Variants in NLK observed in about 807,000 individuals in gnomAD.
The protein encoded by NLK is nemo like kinase.
NLK carries 11 observed loss-of-function variants against 59.0 expected under a neutral mutation model. The ratio of observed to expected loss-of-function variants is 0.19; its 90% CI spans 0.12 to 0.31. The LOEUF (loss-of-function observed/expected upper bound fraction) is 0.31, where lower values mean the gene tolerates loss of function less well. NLK is among the 10% of genes least tolerant of loss of function. The pLI is 1.00. For missense variants in NLK, 410 were observed against 661.1 expected (o/e 0.62, Z 4.16); for synonymous variants, 235 against 235.9 (o/e 1.00, Z 0.03).
chr17:28,155,544 T>C lies in NLK; in HGVS notation c.645-5616T>C, dbSNP rs367941427. On this transcript the variant is annotated intron_variant, in intron 3 of 10. Coordinates refer to ENST00000407008, the MANE Select transcript of NLK (RefSeq NM_016231.5). ...TTGGAACCAACCCAATGTCCATCAG[T>C]GATAGACTGGATTAAGAAAATGTGG... Among the ~76,000 whole-genome samples the C allele has an allele frequency of 2.2e-4, 33 of 152,186 alleles. No homozygotes were observed. In the East Asian group the frequency reaches 5.8e-3, roughly 27 times the overall value.
At chr17:28,057,116 G>A (rs942794479) in intron 1 of NLK, among the ~76,000 whole-genome samples, 1 of 151,666 alleles carries the variant, frequency 6.6e-6, no homozygotes, top group Admixed American at 6.6e-5. Flanking sequence ...CACCACGCCC[G>A]GCTAATTTTT....
chr17:28,153,255 CAA>C (rs962707946), intron 3 of NLK, among the ~76,000 whole-genome samples: 1 of 146,966 alleles, frequency 6.8e-6, no homozygotes, highest in African/African-American at 2.5e-5. Flanking sequence ...GGCTGTGCAA[CAA>C]GAGCGAAATT....
chr17:28,173,360 T>G (rs551980859), intron 7 of NLK, among the ~76,000 whole-genome samples: 91 of 152,222 alleles, frequency 6.0e-4, no homozygotes, highest in African/African-American at 2.2e-3. Flanking sequence ...AATTGGACGT[T>G]TAGATTATCT....
intron 1 of NLK, among the ~76,000 whole-genome samples, chr17:28,077,838 C>A (rs539126868): frequency 2.8e-4 from 42 of 152,110 alleles, no homozygotes; most frequent in African/African-American, 9.6e-4. Flanking sequence ...TAGTATTAAC[C>A]TTATTTTAAA....
At chr17:28,203,160 T>TACACACACAC in the NLK span, among the ~76,000 whole-genome samples, 162 of 127,138 alleles carry the variant, frequency 1.3e-3, no homozygotes, top group African/African-American at 5.4e-3. Context: ...TGTATATACA[T>TACACACACAC]ACATACACAC....
chr17:28,120,239 T>G (rs1015848081), intron 1 of NLK, among the ~76,000 whole-genome samples: 2 of 83,160 alleles, frequency 2.4e-5, no homozygotes, highest in South Asian at 4.1e-4. Context: ...GCTTGGGGTG[T>G]GTGTGTGTGT....
At position 28,077,318 on chromosome 17, in the gene NLK, G is replaced by A. The variant is rs915612941; in HGVS notation, c.458+33987G>A. Among the ~76,000 whole-genome samples the A allele has an allele frequency of 2.6e-5, 4 of 151,830 alleles. No individual in the cohort carries two copies. The South Asian group carries it at 6.3e-4, about 24-fold the overall frequency. On this transcript the variant is annotated intron_variant, in intron 1 of 10. Coordinates refer to ENST00000407008, the MANE Select transcript of NLK (RefSeq NM_016231.5). ...GAAAGGCACCTCTTAACATGGTGGC[G>A]GCAAGAGAAAATGAGGAAGATAAAA...
At chr17:28,112,664 A>G (rs945462041) in intron 1 of NLK, among the ~76,000 whole-genome samples, 1 of 151,938 alleles carries the variant, frequency 6.6e-6, no homozygotes, top group Admixed American at 6.6e-5. Context: ...TTGTTTTTGT[A>G]ATATTTTTGG....
rs1908937440 is a variant in NLK at position 28,043,342 on chromosome 17, A to G, written c.458+11A>G. On this transcript the variant is annotated intron_variant, in intron 1 of 10. Transcript: ENST00000407008. ...CTTTGGTGTTGTCTGGTGAGTATCC[A>G]AAGAAAAACACAACCTCTCATGGTT... is the stretch of plus-strand genomic sequence containing the variant. 1.3e-6 allele frequency: 2 copies of G among 1,522,324 alleles called. No individual in the cohort carries two copies. The highest frequency in any genetic ancestry group is 2.8e-5 in the African/African-American group (2 of 71,712). 94.3% of individuals were successfully genotyped at this position (1,522,324 alleles called of 1,614,324 possible). A position where few individuals can be genotyped will look rare whatever the true frequency, so the allele number is the denominator to read the frequency against.
intron 1 of NLK, among the ~76,000 whole-genome samples, chr17:28,053,319 G>C (rs1909324665): frequency 1.3e-5 from 2 of 152,174 alleles, no homozygotes; most frequent in Non-Finnish European, 2.9e-5. Flanking sequence ...GAACAAACTG[G>C]AATAATGATC....
At position 28,185,234 on chromosome 17, in the gene NLK, A is replaced by T; in HGVS notation, c.1205A>T (p.His402Leu). 6.3e-7 allele frequency: 1 copy of T among 1,593,212 alleles called. No homozygotes were observed. ...LSSQATHEAV[H>L]LLCRMLVFDP... ...AGCCAGGCTACACATGAAGCTGTTC[A>T]TCTCCTTTGCAGGATGTTGGTCTTT... Residue 402 changes from histidine to leucine, a missense_variant, in exon 8 of 11, where the codon CAT becomes CTT. Coordinates refer to ENST00000407008, the MANE Select transcript of NLK (RefSeq NM_016231.5).
intron 8 of NLK, among the ~76,000 whole-genome samples, chr17:28,186,537 G>A (rs35084335): frequency 0.022 from 3,279 of 152,280 alleles, 57 homozygotes; most frequent in Non-Finnish European, 0.036. Flanking sequence ...AAAGAAAGAG[G>A]TTTAATTGGA....
intron 3 of NLK, among the ~76,000 whole-genome samples, chr17:28,151,048 G>A (rs1165293722): frequency 6.6e-6 from 1 of 152,164 alleles, no homozygotes; most frequent in African/African-American, 2.4e-5. Context: ...CTTGTTTGGA[G>A]ACCCTCATTA....
intron 3 of NLK, among the ~76,000 whole-genome samples, chr17:28,146,755 A>G (rs564780215): frequency 1.2e-4 from 19 of 152,028 alleles, no homozygotes; most frequent in Admixed American, 3.9e-4. Flanking sequence ...TTAGTTTTCT[A>G]TTTTTGAAGT....
At chr17:28,179,478 T>G (rs973583218) in intron 7 of NLK, among the ~76,000 whole-genome samples, 4 of 152,182 alleles carry the variant, frequency 2.6e-5, no homozygotes, top group African/African-American at 9.6e-5. Flanking sequence ...TGCCTGTAAT[T>G]CCAGCACTTT....
chr17:28,145,069 GGCAGTGGGTT>G (rs1339453349), intron 3 of NLK, among the ~76,000 whole-genome samples: 2 of 152,086 alleles, frequency 1.3e-5, no homozygotes, highest in Non-Finnish European at 2.9e-5. Flanking sequence ...TTGTATCTTT[GGCAGTGGGTT>G]TAAAAATTAC....
At chr17:28,123,332 A>G (rs1308353637) in intron 2 of NLK, among the ~76,000 whole-genome samples, 2 of 152,230 alleles carry the variant, frequency 1.3e-5, no homozygotes, top group Non-Finnish European at 2.9e-5. Context: ...GTAGGGAAAT[A>G]GGTTATTAAT....
Position 28,095,910 on chromosome 17 carries a change from CTTG to C in NLK, c.459-26688_459-26686del, listed in dbSNP as rs35572819. 3.3e-3 allele frequency among the ~76,000 whole-genome samples: 507 copies of C among 152,260 alleles called. 3 individuals carry two copies. The highest frequency in any genetic ancestry group is 0.012 in the African/African-American group (478 of 41,554). ...CCCAAGTGTGTTCCTGTCCTTTTCTCTTGTTGTGTGTTCTAACTGTTGCACTTA... is the reference window on the plus strand; with the variant it reads ...CCCAAGTGTGTTCCTGTCCTTTTCTCTTGTGTGTTCTAACTGTTGCACTTA... On this transcript the variant is annotated intron_variant, in intron 1 of 10. Transcript: ENST00000407008.
Position 28,132,628 on chromosome 17 carries a change from T to C in NLK, c.597T>C (p.Ser199=). Residue 199 remains serine, a synonymous_variant, in exon 3 of 11, where the codon TCT becomes TCC. Transcript: ENST00000407008. ...TTTTTTCCTTTTCTCAGGTACTCTC[T>C]GCCCTTGACATACTCCAACCTCCAC... ...LCFFKHDNVL[S]ALDILQPPHI... 1 of 1,609,670 alleles carries C rather than the reference T, an allele frequency of 6.2e-7. No homozygotes were observed. The highest frequency in any genetic ancestry group is 1.1e-5 in the South Asian group (1 of 89,938).
Sources: allele counts gnomAD v4.1 joint callset (sites outside exome capture counted in the v4.1 genomes callset), GRCh38; gene constraint gnomAD v4.1.1; transcripts MANE v1.5; gene names NCBI Gene and HGNC (gene_info 2026-07-23, HGNC 2026-07-21).